The following ARHGEF26 variants were observed in gnomAD, a reference collection of about 807,000 sequenced individuals.
The protein encoded by ARHGEF26 is Rho guanine nucleotide exchange factor (GEF) 26.
ARHGEF26 carries 59 observed loss-of-function variants against 89.4 expected under a neutral mutation model. That is an observed-to-expected ratio of 0.66 (90% confidence interval 0.54 to 0.82). The LOEUF (loss-of-function observed/expected upper bound fraction) is 0.82, where lower values mean the gene tolerates loss of function less well. Ranked by LOEUF, ARHGEF26 falls within the 40% of genes least tolerant of loss-of-function variation. ARHGEF26 has a pLI of 0.00. For missense variants in ARHGEF26, 1,234 were observed against 1,085.6 expected, an observed-to-expected ratio of 1.14 and a Z score of -1.92; for synonymous variants, 500 against 428.4, an observed-to-expected ratio of 1.17 and a Z score of -2.06.
intron 6 of ARHGEF26, among the ~76,000 whole-genome samples, chr3:154,164,860 A>T (rs1398180771): frequency 6.6e-6 from 1 of 152,196 alleles, no homozygotes; most frequent in Non-Finnish European, 1.5e-5. Context: ...TGTGAATAAG[A>T]TGCTTTCCAA....
intron 6 of ARHGEF26, among the ~76,000 whole-genome samples, chr3:154,160,703 A>C (rs192672957): frequency 1.3e-3 from 200 of 152,278 alleles, no homozygotes; most frequent in African/African-American, 4.7e-3. Context: ...TTCCTTCACA[A>C]ATCTATGGTT....
Position 154,172,585 on chromosome 3 carries a change from T to A in ARHGEF26, c.1488-15100T>A, listed in dbSNP as rs150105216. Among the ~76,000 whole-genome samples the A allele has an allele frequency of 6.1e-3, 923 of 152,258 alleles. 7 individuals carry two copies. The highest frequency in any genetic ancestry group is 0.021 in the African/African-American group (867 of 41,554). Reference sequence around the variant, plus strand: ...GGTGTGTGCCTGTAGTCCCAGCTACTCTGTAGGCTGAGACATGAGAATTGC... The same window carrying A: ...GGTGTGTGCCTGTAGTCCCAGCTACACTGTAGGCTGAGACATGAGAATTGC... On this transcript the variant is annotated intron_variant, in intron 6 of 14. Coordinates refer to ENST00000465093, the MANE Select transcript of ARHGEF26 (RefSeq NM_015595.4).
chr3:154,187,222 G>T, intron 6 of ARHGEF26: 1 of 984,088 alleles, frequency 1.0e-6, no homozygotes, highest in Non-Finnish European at 1.2e-6. Context: ...ATTTATTTAG[G>T]TGTTTTGCTC....
In ARHGEF26 at chr3:154,254,716, T is replaced by G. The variant is rs35280082; in HGVS notation, c.2369-4T>G. 1.1e-3 allele frequency: 1,700 copies of G among 1,613,468 alleles called. 2 individuals carry two copies. Among genetic ancestry groups the G allele is most frequent in the Non-Finnish European group, 1.2e-3 (1,422 of 1,179,504 alleles). On this transcript the variant is annotated splice_polypyrimidine_tract_variant and splice_region_variant and intron_variant, in intron 13 of 14. Transcript: ENST00000465093. ...AAACTTAGTATGTCCTCTTTTGGCCTCAGCACTGACCCAGGTGGAAATCGT... is the reference window on the plus strand; with the variant it reads ...AAACTTAGTATGTCCTCTTTTGGCCGCAGCACTGACCCAGGTGGAAATCGT...
rs549447865 is a variant in ARHGEF26, at chr3:154,224,644, G to A, written c.1936-1212G>A. Among the ~76,000 whole-genome samples, 30 of 152,236 alleles carry A rather than the reference G, an allele frequency of 2.0e-4. No individual in the cohort carries two copies. In the South Asian group the frequency reaches 5.0e-3, roughly 25 times the overall value. ...GCCGGAGTTATCTAAGCAATCTGTC[G>A]ACCTTTAAGGTTTCAGCTGTCTCTG... On this transcript the variant is annotated intron_variant, in intron 10 of 14. Coordinates refer to ENST00000465093, the MANE Select transcript of ARHGEF26 (RefSeq NM_015595.4).
chr3:154,182,064 C>A (rs1713218255), intron 6 of ARHGEF26, among the ~76,000 whole-genome samples: 2 of 150,562 alleles, frequency 1.3e-5, no homozygotes, highest in South Asian at 2.1e-4. Flanking sequence ...TATACACACA[C>A]AATATATATA....
intron 3 of ARHGEF26, among the ~76,000 whole-genome samples, chr3:154,126,449 C>G (rs972406073): frequency 4.6e-5 from 7 of 152,190 alleles, no homozygotes; most frequent in Non-Finnish European, 1.5e-5. Context: ...TTTCACCAGT[C>G]TGTTCTATGT....
In ARHGEF26 at chr3:154,256,475, G is replaced by A. The variant is rs760160729; in HGVS notation, c.*1002G>A. The A allele has an allele frequency of 5.6e-5, 51 of 904,232 alleles. No individual in the cohort carries two copies. The Admixed American group carries it at 1.2e-3, about 22-fold the overall frequency. 56.0% of individuals were successfully genotyped at this position (904,232 alleles called of 1,614,324 possible). A position where few individuals can be genotyped will look rare whatever the true frequency, so the allele number is the denominator to read the frequency against. ...CTGCCCTCAAGTGATCCACCAGAGA[G>A]GAGATCCTCGGCCTCCCCAAGTGCT... On this transcript the variant is annotated 3_prime_UTR_variant, in exon 15 of 15. Transcript: ENST00000465093.
chr3:154,159,823 A>G (rs1339226931), intron 6 of ARHGEF26, among the ~76,000 whole-genome samples: 2 of 152,130 alleles, frequency 1.3e-5, no homozygotes, highest in African/African-American at 2.4e-5. Context: ...TTTCCTGACT[A>G]ATTCTTAAAG....
At chr3:154,219,642 A>C (rs1490128280) in intron 10 of ARHGEF26, among the ~76,000 whole-genome samples, 1 of 151,822 alleles carries the variant, frequency 6.6e-6, no homozygotes, top group Non-Finnish European at 1.5e-5. Context: ...CCCAAAATTA[A>C]TTTGTAATTG....
intron 4 of ARHGEF26, among the ~76,000 whole-genome samples, chr3:154,134,588 A>G (rs1428913501): frequency 6.6e-6 from 1 of 152,108 alleles, no homozygotes; most frequent in Non-Finnish European, 1.5e-5. Flanking sequence ...TTGGGCAGGG[A>G]AACAGACAAA....
intron 9 of ARHGEF26, among the ~76,000 whole-genome samples, chr3:154,213,241 G>GTGTGTATATATA (rs1553747909): frequency 2.7e-4 from 40 of 145,658 alleles, no homozygotes; most frequent in South Asian, 1.6e-3. Context: ...GTGTGTGTGT[G>GTGTGTATATATA]TATATATATA....
chr3:154,148,226 G>A (rs144227686), intron 4 of ARHGEF26, among the ~76,000 whole-genome samples: 57 of 152,276 alleles, frequency 3.7e-4, no homozygotes, highest in African/African-American at 1.3e-3. Context: ...AAACTTTCAG[G>A]CTCCCCAAAT....
chr3:154,219,469 C>G (rs184780093), intron 10 of ARHGEF26, among the ~76,000 whole-genome samples: 1 of 151,882 alleles, frequency 6.6e-6, no homozygotes, highest in Non-Finnish European at 1.5e-5. Flanking sequence ...GTGGCAGGCA[C>G]CTGTAATCCC....
chr3:154,226,640 C>G (rs772329261), intron 11 of ARHGEF26, among the ~76,000 whole-genome samples: 4 of 142,530 alleles, frequency 2.8e-5, no homozygotes, highest in African/African-American at 5.2e-5. Flanking sequence ...AGTATTTCTT[C>G]TGTCAGACTG....
intron 6 of ARHGEF26, among the ~76,000 whole-genome samples, chr3:154,165,606 C>T (rs555754060): frequency 4.6e-5 from 7 of 152,282 alleles, no homozygotes; most frequent in African/African-American, 1.7e-4. Flanking sequence ...TAATTACCAA[C>T]TTTGAATACT....
chr3:154,142,431 A>C (rs1024924976), intron 4 of ARHGEF26, among the ~76,000 whole-genome samples: 1 of 152,162 alleles, frequency 6.6e-6, no homozygotes, highest in Non-Finnish European at 1.5e-5. Context: ...TGTTTCTCAG[A>C]TCTCCGTACA....
At chr3:154,196,503 A>G (rs1316811546) in intron 9 of ARHGEF26, among the ~76,000 whole-genome samples, 5 of 152,160 alleles carry the variant, frequency 3.3e-5, no homozygotes, top group East Asian at 1.9e-4. Context: ...GTCAATTTAC[A>G]TCGAGTCACC....
At chr3:154,156,353 A>G (rs918767591) in intron 6 of ARHGEF26, among the ~76,000 whole-genome samples, 1 of 152,096 alleles carries the variant, frequency 6.6e-6, no homozygotes, top group African/African-American at 2.4e-5. Context: ...AGCTTATCGT[A>G]AGGGGCTATT....
Sources: allele counts gnomAD v4.1 joint callset (sites outside exome capture counted in the v4.1 genomes callset), GRCh38; gene constraint gnomAD v4.1.1; transcripts MANE v1.5; gene names NCBI Gene and HGNC (gene_info 2026-07-23, HGNC 2026-07-21).